Variants in OPRL1 observed in about 807,000 individuals in gnomAD.
The protein encoded by OPRL1 is opioid related nociceptin receptor 1.
OPRL1 carries 5 observed loss-of-function variants against 15.5 expected under a neutral mutation model. That is an observed-to-expected ratio of 0.32 (90% CI 0.17 to 0.68). OPRL1 has a LOEUF of 0.68. Among genes scored for constraint, OPRL1 ranks in the 30% least tolerant of loss-of-function variants. The probability of loss-of-function intolerance (pLI) is 0.72; values close to 1 mark genes in which losing one functional copy is unlikely to be tolerated. For synonymous variants in OPRL1, 223 were observed against 230.2 expected (o/e 0.97, Z 0.28); for missense variants, 406 against 515.3 (o/e 0.79, Z 2.05).
In OPRL1 at chr20:64,097,755, C is replaced by T. The variant is rs781666680; in HGVS notation, c.234-47C>T. 6.4e-7 allele frequency: 1 copy of T among 1,554,038 alleles called. No homozygotes were observed. Among genetic ancestry groups the T allele is most frequent in the South Asian group, 1.2e-5 (1 of 85,574 alleles). On this transcript the variant is annotated intron_variant, in intron 3 of 4. Transcript: ENST00000336866. This position sits in a 1 kb window ranked among gnomAD's most constrained non-coding sequence, Gnocchi z 4.2. ...GCCCCTTGCCCTTTGCTGCCTGGTC[C>T]AGCCAGCATGGCCAAGTGAAGCCTT...
chr20:64,089,022 G>A lies in OPRL1; in HGVS notation c.-184-2944G>A, dbSNP rs1393670444. On this transcript the variant is annotated intron_variant, in intron 1 of 4. Transcript: ENST00000336866. This position sits in a 1 kb window ranked among gnomAD's most constrained non-coding sequence, Gnocchi z 5.5. ...GGTTGTGTGCAGGCAGGTGCGCAGG[G>A]TCAATGCAGGGGGCAAGGTCTGTAC... Among the ~76,000 whole-genome samples, 1 of 144,242 alleles carries A rather than the reference G, an allele frequency of 6.9e-6. No individual in the cohort carries two copies. Among genetic ancestry groups the A allele is most frequent in the Non-Finnish European group, 1.5e-5 (1 of 65,448 alleles). 94.6% of individuals were successfully genotyped at this position (144,242 alleles called of 152,430 possible). A position where few individuals can be genotyped will look rare whatever the true frequency, so the allele number is the denominator to read the frequency against.
At position 64,083,522 on chromosome 20, in the gene OPRL1, C is replaced by A. The variant is rs1477894543; in HGVS notation, c.-185+3170C>A. On this transcript the variant is annotated intron_variant, in intron 1 of 4. Coordinates refer to ENST00000336866, the MANE Select transcript of OPRL1 (RefSeq NM_182647.4). This position sits in a 1 kb window ranked among gnomAD's most constrained non-coding sequence, Gnocchi z 4.9. ...GCCGGGGAGAGAGGCTGGGGTCCGG[C>A]GTGTGCGGAGGCGGGCAGGGCCCCT... 5.7e-6 allele frequency: 9 copies of A among 1,570,762 alleles called. No individual in the cohort carries two copies. Among genetic ancestry groups the A allele is most frequent in the Non-Finnish European group, 7.8e-6 (9 of 1,159,024 alleles).
At chr20:64,086,959 T>C (rs1382808568) in intron 1 of OPRL1, among the ~76,000 whole-genome samples, 1 of 152,180 alleles carries the variant, frequency 6.6e-6, no homozygotes, top group African/African-American at 2.4e-5. Flanking sequence ...CGTCTGGCGT[T>C]TGCTGATTCT....
intron 1 of OPRL1, among the ~76,000 whole-genome samples, chr20:64,088,460 C>T (rs143001361): frequency 1.3e-5 from 2 of 149,722 alleles, no homozygotes; most frequent in African/African-American, 5.0e-5. Flanking sequence ...GGACAGGACC[C>T]GTCCAGGGAG....
chr20:64,082,398 C>A (rs1467457467), intron 1 of OPRL1, among the ~76,000 whole-genome samples: 1 of 152,146 alleles, frequency 6.6e-6, no homozygotes, highest in Non-Finnish European at 1.5e-5. Flanking sequence ...GCTCGGTGCA[C>A]GGGGAGAAGG....
In OPRL1 at chr20:64,083,946, C is replaced by T. The variant is rs771832341; in HGVS notation, c.-185+3594C>T. On this transcript the variant is annotated intron_variant, in intron 1 of 4. Transcript: ENST00000336866. This position sits in a 1 kb window ranked among gnomAD's most constrained non-coding sequence, Gnocchi z 4.9. ...AGCGACTGCGTCCACGGGCGCGGGT[C>T]GGGCATGCGGTACCCCGGTTCCACC... The T allele has an allele frequency of 1.1e-4, 154 of 1,458,904 alleles. No individual in the cohort carries two copies. The highest frequency in any genetic ancestry group is 2.5e-4 in the Admixed American group (10 of 40,216). 90.4% of individuals were successfully genotyped at this position (1,458,904 alleles called of 1,614,324 possible).
intron 3 of OPRL1, among the ~76,000 whole-genome samples, chr20:64,096,614 C>A (rs1979139487): frequency 6.6e-6 from 1 of 152,056 alleles, no homozygotes; most frequent in Non-Finnish European, 1.5e-5. Flanking sequence ...AATGGAGCCC[C>A]ATATTTCCTC....
rs1050791122 is a variant in OPRL1, at chr20:64,083,980, C to A, written c.-185+3628C>A. 2 of 1,471,944 alleles carry A rather than the reference C, an allele frequency of 1.4e-6. No homozygotes were observed. The highest frequency in any genetic ancestry group is 1.5e-5 in the African/African-American group (1 of 68,094). 91.2% of individuals were successfully genotyped at this position (1,471,944 alleles called of 1,614,324 possible). ...GGTACCCCGGTTCCACCGACCCGCA[C>A]GGGAAGGTGGAGGCCGCCGCGCCCA... is the stretch of plus-strand genomic sequence containing the variant. On this transcript the variant is annotated intron_variant, in intron 1 of 4. Coordinates refer to ENST00000336866, the MANE Select transcript of OPRL1 (RefSeq NM_182647.4). The surrounding 1 kb of genome is among the most constrained non-coding windows in gnomAD (Gnocchi z 4.9).
intron 3 of OPRL1, among the ~76,000 whole-genome samples, chr20:64,096,863 TCAC>T (rs1386679209): frequency 4.8e-5 from 6 of 124,822 alleles, no homozygotes; most frequent in Admixed American, 2.6e-4. Flanking sequence ...ATCACCACTA[TCAC>T]CACCACCACC....
At position 64,098,775 on chromosome 20, in the gene OPRL1, TGA is replaced by T; in HGVS notation, c.1092_1093del (p.Glu364AspfsTer66). The T allele has an allele frequency of 6.2e-7, 1 of 1,602,816 alleles. No homozygotes were observed. Among genetic ancestry groups the T allele is most frequent in the Non-Finnish European group, 8.5e-7 (1 of 1,178,818 alleles). The part of the protein sequence containing the change: ...KDVALACKTS[E>X]TVPRPA Reference sequence around the variant, plus strand: ...ACGTGGCCCTGGCCTGCAAGACCTCTGAGACGGTACCGCGGCCCGCATGACTA... The same window carrying T: ...ACGTGGCCCTGGCCTGCAAGACCTCTGACGGTACCGCGGCCCGCATGACTA... On this transcript the variant is annotated frameshift_variant, in exon 5 of 5. Transcript: ENST00000336866. LOFTEE classifies it high-confidence loss of function.
rs1379555368 is a variant in OPRL1, at chr20:64,098,780, C to T, written c.1094C>T (p.Thr365Met). Residue 365 changes from threonine to methionine, a missense_variant, in exon 5 of 5, where the codon ACG becomes ATG. Thr to Met is a moderately conservative substitution (Grantham distance 81). Coordinates refer to ENST00000336866, the MANE Select transcript of OPRL1 (RefSeq NM_182647.4). ...GCCCTGGCCTGCAAGACCTCTGAGA[C>T]GGTACCGCGGCCCGCATGACTAGGC... is the stretch of plus-strand genomic sequence containing the variant. ...DVALACKTSE[T>M]VPRPA 1.7e-5 allele frequency: 27 copies of T among 1,598,866 alleles called. No individual in the cohort carries two copies. Among genetic ancestry groups the T allele is most frequent in the East Asian group, 6.7e-5 (3 of 44,846 alleles).
chr20:64,088,711 C>A lies in OPRL1; in HGVS notation c.-184-3255C>A, dbSNP rs1569271838. 4.7e-4 allele frequency among the ~76,000 whole-genome samples: 50 copies of A among 106,558 alleles called. 1 individual carries two copies. The highest frequency in any genetic ancestry group is 7.1e-4 in the Admixed American group (7 of 9,912). 69.9% of individuals were successfully genotyped at this position (106,558 alleles called of 152,430 possible). On this transcript the variant is annotated intron_variant, in intron 1 of 4. Transcript: ENST00000336866. Reference sequence around the variant, plus strand: ...CTGTGCAGGGAGGCCAGGGTCTGTGCAGAGTGGCCAGGATCTGTGCAAGGG... The same window carrying A: ...CTGTGCAGGGAGGCCAGGGTCTGTGAAGAGTGGCCAGGATCTGTGCAAGGG...
At chr20:64,092,486 C>T (rs2060129640) in intron 2 of OPRL1, among the ~76,000 whole-genome samples, 2 of 152,092 alleles carry the variant, frequency 1.3e-5, no homozygotes, top group Non-Finnish European at 2.9e-5. Context: ...CCTGTCTGTG[C>T]ACACGTGTCC....
At chr20:64,085,408 T>C (rs185564067) in intron 1 of OPRL1, among the ~76,000 whole-genome samples, 49 of 152,328 alleles carry the variant, frequency 3.2e-4, no homozygotes, top group Non-Finnish European at 6.2e-4. Context: ...GGGGTCCTGG[T>C]GTCCCCAGGA....
rs1979678838 is a variant in OPRL1, at chr20:64,100,299, C to T, written c.*1500C>T. 6.6e-6 allele frequency: 1 copy of T among 152,260 alleles called. No homozygotes were observed. The highest frequency in any genetic ancestry group is 2.1e-4 in the South Asian group (1 of 4,818). 9.4% of individuals were successfully genotyped at this position (152,260 alleles called of 1,614,324 possible). ...CCAAAACCTTGGCCAGGTAACCTAC[C>T]TTAGGCACCTGCAAAGAACAGGAAG... On this transcript the variant is annotated 3_prime_UTR_variant, in exon 5 of 5. Coordinates refer to ENST00000336866, the MANE Select transcript of OPRL1 (RefSeq NM_182647.4).
chr20:64,097,070 C>T lies in OPRL1; in HGVS notation c.234-732C>T, dbSNP rs1185843806. Among the ~76,000 whole-genome samples the T allele has an allele frequency of 1.4e-4, 22 of 152,238 alleles. No individual in the cohort carries two copies. Among genetic ancestry groups the T allele is most frequent in the South Asian group, 2.1e-4 (1 of 4,826 alleles). ...ATCACCATCATCATCATCACCACTA[C>T]CATCACGCTCACAGTCATCACCATC... is the stretch of plus-strand genomic sequence containing the variant. On this transcript the variant is annotated intron_variant, in intron 3 of 4. Transcript: ENST00000336866. The surrounding 1 kb of genome is among the most constrained non-coding windows in gnomAD (Gnocchi z 4.2).
chr20:64,095,421 C>A (rs1395956063), intron 3 of OPRL1, among the ~76,000 whole-genome samples: 1 of 150,600 alleles, frequency 6.6e-6, no homozygotes, highest in East Asian at 2.0e-4. Context: ...GGCAAGGAAC[C>A]CTTCACGTGG....
In OPRL1 at chr20:64,097,483, G is replaced by A. The variant is rs1979317443; in HGVS notation, c.234-319G>A. Among the ~76,000 whole-genome samples, 2 of 152,288 alleles carry A rather than the reference G, an allele frequency of 1.3e-5. No homozygotes were observed. Among genetic ancestry groups the A allele is most frequent in the South Asian group, 2.1e-4 (1 of 4,822 alleles). ...AAACCTTTGCTCCTGTGCAGAATCC[G>A]GGGTGTGTTCTGGTAGCCTACATGC... On this transcript the variant is annotated intron_variant, in intron 3 of 4. Coordinates refer to ENST00000336866, the MANE Select transcript of OPRL1 (RefSeq NM_182647.4). This position sits in a 1 kb window ranked among gnomAD's most constrained non-coding sequence, Gnocchi z 4.2.
At chr20:64,080,865 C>G (rs974815392) in intron 1 of OPRL1, among the ~76,000 whole-genome samples, 1 of 152,210 alleles carries the variant, frequency 6.6e-6, no homozygotes, top group African/African-American at 2.4e-5. Context: ...TCCAGTTGCA[C>G]AGGTCAGGTG....
Sources: gnomAD v4.1 joint callset for allele counts (sites outside exome capture counted in the v4.1 genomes callset) on GRCh38, gnomAD v4.1.1 for gene constraint, Gnocchi (gnomAD v3.1) non-coding constraint, MANE v1.5 for transcripts, NCBI Gene and HGNC (gene_info 2026-07-23, HGNC 2026-07-21) for gene names.